The following CPNE4 variants were observed in gnomAD, a reference collection of about 807,000 sequenced individuals.
The protein encoded by CPNE4 is copine 4, also known as copine-4.
A neutral mutation model predicts 67.9 loss-of-function variants in CPNE4; 25 were observed. The ratio of observed to expected loss-of-function variants is 0.37; its 90% CI spans 0.27 to 0.51. The LOEUF (loss-of-function observed/expected upper bound fraction) is 0.51, where lower values mean the gene tolerates loss of function less well. CPNE4 is among the 20% of genes least tolerant of loss of function. The pLI, the probability that CPNE4 is intolerant of heterozygous loss-of-function variation, is 0.93. For synonymous variants in CPNE4, 242 were observed against 244.9 expected, an observed-to-expected ratio of 0.99 and a Z score of 0.11; for missense variants, 464 against 690.8, an observed-to-expected ratio of 0.67 and a Z score of 3.68.
intron 2 of CPNE4, among the ~76,000 whole-genome samples, chr3:131,828,450 C>T (rs926987855): frequency 5.9e-5 from 9 of 152,256 alleles, no homozygotes; most frequent in African/African-American, 2.2e-4. Flanking sequence ...TTAATCCATG[C>T]TATTATAAGC....
In CPNE4 at chr3:131,616,507, C is replaced by T. The variant is rs188689437; in HGVS notation, c.682-28925G>A. On this transcript the variant is annotated intron_variant, in intron 7 of 15. Coordinates refer to ENST00000429747, the MANE Select transcript of CPNE4 (RefSeq NM_130808.3). Reference sequence around the variant, plus strand: ...CAAAATCTTCCCAAACTAGAGGTAACCCAAATTCCTCTGGATAAAAATAGC... The same window carrying T: ...CAAAATCTTCCCAAACTAGAGGTAATCCAAATTCCTCTGGATAAAAATAGC... 6.7e-4 allele frequency among the ~76,000 whole-genome samples: 102 copies of T among 152,268 alleles called. 1 individual carries two copies. Among genetic ancestry groups the T allele is most frequent in the Admixed American group, 4.8e-3 (73 of 15,300 alleles).
intron 1 of CPNE4, among the ~76,000 whole-genome samples, chr3:131,995,337 C>G (rs1040707927): frequency 2.6e-5 from 4 of 152,132 alleles, no homozygotes; most frequent in African/African-American, 7.2e-5. Context: ...TTCTTTCTAA[C>G]TCCAGTATCC....
chr3:131,815,403 C>T (rs892954717), intron 2 of CPNE4, among the ~76,000 whole-genome samples: 1 of 152,188 alleles, frequency 6.6e-6, no homozygotes, highest in Non-Finnish European at 1.5e-5. Flanking sequence ...TCTGACCTCT[C>T]GCATTCACAC....
At chr3:132,020,574 C>T (rs1433319802) in intron 1 of CPNE4, among the ~76,000 whole-genome samples, 1 of 152,108 alleles carries the variant, frequency 6.6e-6, no homozygotes, top group Admixed American at 6.5e-5. Context: ...AAAGCATGAA[C>T]ATTTCTTTCA....
chr3:131,980,559 C>A (rs2072879357), intron 1 of CPNE4, among the ~76,000 whole-genome samples: 1 of 151,960 alleles, frequency 6.6e-6, no homozygotes, highest in African/African-American at 2.4e-5. Context: ...ATTGTTTTTT[C>A]TTTAACCTAT....
chr3:131,845,897 T>A (rs13063979), intron 2 of CPNE4, among the ~76,000 whole-genome samples: 1 of 152,038 alleles, frequency 6.6e-6, no homozygotes, highest in Non-Finnish European at 1.5e-5. Context: ...AGAAAACTAA[T>A]CACGGTGAAT....
intron 1 of CPNE4, among the ~76,000 whole-genome samples, chr3:131,994,033 G>A (rs1235972196): frequency 7.3e-6 from 1 of 136,180 alleles, no homozygotes; most frequent in African/African-American, 2.5e-5. Flanking sequence ...GCTATGGAAT[G>A]GAAAATTTGC....
chr3:131,801,387 G>C (rs1428344410), intron 2 of CPNE4, among the ~76,000 whole-genome samples: 1 of 57,652 alleles, frequency 1.7e-5, no homozygotes, highest in Non-Finnish European at 3.1e-5. Context: ...ATATATATAT[G>C]GTACATATAT....
intron 10 of CPNE4, among the ~76,000 whole-genome samples, chr3:131,572,378 G>T (rs1559919152): frequency 6.6e-6 from 1 of 152,070 alleles, no homozygotes; most frequent in Non-Finnish European, 1.5e-5. Context: ...CAGGGCACCT[G>T]ACAGGAACTG....
intron 5 of CPNE4, among the ~76,000 whole-genome samples, chr3:131,691,442 G>A (rs1015985498): frequency 3.3e-5 from 5 of 152,094 alleles, no homozygotes; most frequent in Admixed American, 6.6e-5. Flanking sequence ...GACTTAGCAC[G>A]GCAATGGAAA....
At chr3:131,540,338 T>C (rs1935410332) in intron 15 of CPNE4, among the ~76,000 whole-genome samples, 1 of 152,234 alleles carries the variant, frequency 6.6e-6, no homozygotes, top group Non-Finnish European at 1.5e-5. Context: ...GAATGTGCAG[T>C]TACTTCCCTA....
At chr3:131,535,818 A>G (rs964357779) in intron 15 of CPNE4, among the ~76,000 whole-genome samples, 2 of 152,196 alleles carry the variant, frequency 1.3e-5, no homozygotes, top group African/African-American at 4.8e-5. Context: ...CTCAGACCCA[A>G]CTCAGAGCTA....
At chr3:131,962,081 T>C (rs2048815374) in intron 1 of CPNE4, among the ~76,000 whole-genome samples, 1 of 152,206 alleles carries the variant, frequency 6.6e-6, no homozygotes, top group Non-Finnish European at 1.5e-5. Context: ...TCCATGCATA[T>C]TCAATTGCCC....
intron 2 of CPNE4, among the ~76,000 whole-genome samples, chr3:131,824,154 TGTGAGATACAATTCTTTA>T (rs2085064711): frequency 7.0e-6 from 1 of 142,938 alleles, no homozygotes; most frequent in African/African-American, 2.9e-5. Flanking sequence ...ATAAATAAAG[TGTGAGATACAATTCTTTA>T]TATAAATAAA....
At chr3:131,646,752 A>G (rs1163815740) in intron 7 of CPNE4, among the ~76,000 whole-genome samples, 2 of 152,216 alleles carry the variant, frequency 1.3e-5, no homozygotes. Context: ...AAAATAAAAA[A>G]CAATGCTAGG....
intron 2 of CPNE4, among the ~76,000 whole-genome samples, chr3:131,852,089 A>G (rs1343482991): frequency 6.6e-6 from 1 of 152,084 alleles, no homozygotes; most frequent in Non-Finnish European, 1.5e-5. Context: ...ATGGGAGAAC[A>G]AATGCATATA....
At chr3:131,579,290 A>G (rs1937637667) in intron 9 of CPNE4, among the ~76,000 whole-genome samples, 3 of 152,182 alleles carry the variant, frequency 2.0e-5, no homozygotes, top group South Asian at 2.1e-4. Flanking sequence ...TTTTGAGTCT[A>G]CTCAGAAAAA....
At chr3:131,680,483 G>A (rs569132387) in intron 6 of CPNE4, among the ~76,000 whole-genome samples, 2 of 151,540 alleles carry the variant, frequency 1.3e-5, no homozygotes, top group African/African-American at 4.8e-5. Flanking sequence ...TTGTCCCCCA[G>A]CTTTTTAACT....
At chr3:131,900,746 G>A (rs568347098) in intron 2 of CPNE4, among the ~76,000 whole-genome samples, 3 of 152,108 alleles carry the variant, frequency 2.0e-5, no homozygotes, top group East Asian at 3.9e-4. Context: ...AACACTATAT[G>A]GATATATTAT....
Sources: allele counts gnomAD v4.1 joint callset (sites outside exome capture counted in the v4.1 genomes callset), GRCh38; gene constraint gnomAD v4.1.1; transcripts MANE v1.5; gene names NCBI Gene and HGNC (gene_info 2026-07-23, HGNC 2026-07-21).